STIM1: variants seen among roughly 807,000 people sequenced by gnomAD.
The protein encoded by STIM1 is stromal interaction molecule 1.
A neutral mutation model predicts 74.7 loss-of-function variants in STIM1; 25 were observed. That is an observed-to-expected ratio of 0.33 (90% CI 0.24 to 0.47). The LOEUF (loss-of-function observed/expected upper bound fraction) is 0.47, where lower values mean the gene tolerates loss of function less well. Ranked by LOEUF, STIM1 falls within the 20% of genes least tolerant of loss-of-function variation. The pLI is 1.00. For missense variants in STIM1, 728 were observed against 920.8 expected (o/e 0.79, Z 2.71); for synonymous variants, 328 against 348.8 (o/e 0.94, Z 0.66).
chr11:3,981,602 C>T (rs925896260), intron 2 of STIM1, among the ~76,000 whole-genome samples: 9 of 152,174 alleles, frequency 5.9e-5, no homozygotes, highest in Non-Finnish European at 1.2e-4. Flanking sequence ...GTGCTTTGGA[C>T]TTGTGAGTTC....
Position 3,875,820 on chromosome 11 carries a change from T to C in STIM1, c.139+19411T>C, listed in dbSNP as rs528433419. The stretch of plus-strand genomic sequence containing the variant: ...TTTAGTGGAAGAACTCATAAAATAT[T>C]AATAATCAAAATAAATACTGCAATA... On this transcript the variant is annotated intron_variant, in intron 1 of 12. Coordinates refer to ENST00000526596, the MANE Select transcript of STIM1 (RefSeq NM_001382567.1). Among the ~76,000 whole-genome samples, 10 of 152,132 alleles carry C rather than the reference T, an allele frequency of 6.6e-5. 1 individual carries two copies. The highest frequency in any genetic ancestry group is 2.4e-4 in the African/African-American group (10 of 41,504).
At chr11:4,035,781 G>A (rs971516297) in intron 3 of STIM1, among the ~76,000 whole-genome samples, 1 of 149,666 alleles carries the variant, frequency 6.7e-6, no homozygotes, top group Non-Finnish European at 1.5e-5. Context: ...AATATCCCAT[G>A]TGCACTTGTA....
chr11:3,858,242 T>TG (rs1290199523), intron 1 of STIM1, among the ~76,000 whole-genome samples: 15 of 132,534 alleles, frequency 1.1e-4, no homozygotes, highest in South Asian at 8.1e-4. Flanking sequence ...GGTTTTTTTT[T>TG]TTTTGTTTTT....
chr11:4,003,491 A>G (rs1395350072), intron 2 of STIM1, among the ~76,000 whole-genome samples: 2 of 151,044 alleles, frequency 1.3e-5, no homozygotes, highest in African/African-American at 4.9e-5. Context: ...CAAAAACCAC[A>G]TGATTATCTC....
intron 2 of STIM1, among the ~76,000 whole-genome samples, chr11:4,023,012 A>C (rs2093970125): frequency 6.6e-6 from 1 of 152,218 alleles, no homozygotes; most frequent in African/African-American, 2.4e-5. Flanking sequence ...GAGGATTATC[A>C]AACAATTTGT....
In STIM1 at chr11:3,886,219, A is replaced by G. The variant is rs547019312; in HGVS notation, c.139+29810A>G. 7.0e-4 allele frequency among the ~76,000 whole-genome samples: 107 copies of G among 152,374 alleles called. 1 individual carries two copies. The highest frequency in any genetic ancestry group is 6.8e-3 in the Middle Eastern group (2 of 294). On this transcript the variant is annotated intron_variant, in intron 1 of 12. Transcript: ENST00000526596. ...TTATAGAAAATTCACTGGGAACCCA[A>G]TGATAAAATAGAGAAAGACGGATAA...
At chr11:3,966,661 ACTT>A (rs1018899909) in intron 1 of STIM1, among the ~76,000 whole-genome samples, 1 of 152,354 alleles carries the variant, frequency 6.6e-6, no homozygotes, top group Admixed American at 6.5e-5. Context: ...AATACTAGAA[ACTT>A]CAGTCAAAAT....
intron 1 of STIM1, among the ~76,000 whole-genome samples, chr11:3,952,470 A>G (rs554311825): frequency 6.6e-6 from 1 of 152,210 alleles, no homozygotes; most frequent in East Asian, 1.9e-4. Flanking sequence ...AACAACTAAC[A>G]TTTGTATAGA....
intron 7 of STIM1, among the ~76,000 whole-genome samples, chr11:4,080,345 C>T (rs921464983): frequency 6.6e-6 from 1 of 152,188 alleles, no homozygotes; most frequent in Non-Finnish European, 1.5e-5. Flanking sequence ...CTGACTTGCC[C>T]ATCTCTTGTC....
intron 1 of STIM1, among the ~76,000 whole-genome samples, chr11:3,957,699 G>A (rs999643331): frequency 5.3e-5 from 8 of 151,998 alleles, no homozygotes; most frequent in Admixed American, 5.3e-4. Flanking sequence ...GGGACTACAG[G>A]TGCACACTAG....
intron 2 of STIM1, among the ~76,000 whole-genome samples, chr11:4,016,024 A>G (rs1383500234): frequency 2.6e-5 from 4 of 152,006 alleles, no homozygotes. Context: ...GTTATTACCG[A>G]CCTTCTGAAG....
At chr11:3,891,346 G>C (rs2091890615) in intron 1 of STIM1, among the ~76,000 whole-genome samples, 1 of 151,492 alleles carries the variant, frequency 6.6e-6, no homozygotes, top group Non-Finnish European at 1.5e-5. Context: ...CTGGAGTGCA[G>C]TGGCACGATC....
intron 3 of STIM1, among the ~76,000 whole-genome samples, chr11:4,041,429 A>G (rs1337612326): frequency 1.3e-5 from 2 of 152,130 alleles, no homozygotes; most frequent in East Asian, 3.8e-4. Context: ...TTTTACACTT[A>G]TAGTATGCTA....
intron 7 of STIM1, among the ~76,000 whole-genome samples, chr11:4,078,368 C>T (rs1470824488): frequency 6.6e-6 from 1 of 152,166 alleles, no homozygotes; most frequent in Admixed American, 6.5e-5. Flanking sequence ...TCTGCCACTT[C>T]GTAGGCTGTT....
At chr11:4,083,659 C>A in intron 10 of STIM1, 161 bp downstream of exon 10, 1 of 707,810 alleles carries the variant, frequency 1.4e-6, no homozygotes, top group Non-Finnish European at 2.4e-6. Flanking sequence ...CAGGTTATTT[C>A]TTTATAGTTG....
chr11:3,923,319 C>T (rs2092743846), intron 1 of STIM1, among the ~76,000 whole-genome samples: 1 of 151,940 alleles, frequency 6.6e-6, no homozygotes, highest in African/African-American at 2.4e-5. Context: ...TTGAAAAGAT[C>T]ATTCCTGGGC....
intron 3 of STIM1, among the ~76,000 whole-genome samples, chr11:4,050,725 A>G (rs1402241807): frequency 6.6e-6 from 1 of 152,202 alleles, no homozygotes; most frequent in Non-Finnish European, 1.5e-5. Flanking sequence ...ATCCACTTGC[A>G]ACTTTTGACT....
intron 3 of STIM1, among the ~76,000 whole-genome samples, chr11:4,032,554 G>C (rs539797843): frequency 1.3e-5 from 2 of 152,136 alleles, no homozygotes; most frequent in African/African-American, 2.4e-5. Context: ...CTACAAAAAA[G>C]CCTGGTGGGA....
At chr11:4,048,225 C>T (rs186051064) in intron 3 of STIM1, among the ~76,000 whole-genome samples, 57 of 152,328 alleles carry the variant, frequency 3.7e-4, no homozygotes, top group Admixed American at 3.2e-3. Flanking sequence ...TTGCTGCTTA[C>T]AGCAGTGGTT....
Sources: gnomAD v4.1 joint callset for allele counts (sites outside exome capture counted in the v4.1 genomes callset) on GRCh38, gnomAD v4.1.1 for gene constraint, MANE v1.5 for transcripts, NCBI Gene and HGNC (gene_info 2026-07-23, HGNC 2026-07-21) for gene names.